Variants in TAFA2 observed in about 807,000 individuals in gnomAD.
TAFA2 encodes the protein chemokine-like protein TAFA-2.
In TAFA2, 7 loss-of-function variants were observed where a neutral mutation model predicts 18.8. That is an observed-to-expected ratio of 0.37 (90% CI 0.21 to 0.70). The LOEUF is 0.70. Among genes scored for constraint, TAFA2 ranks in the 30% least tolerant of loss-of-function variants. The pLI is 0.53. For missense variants in TAFA2, 122 were observed against 158.1 expected, an observed-to-expected ratio of 0.77 and a Z score of 1.23; for synonymous variants, 60 against 54.2, an observed-to-expected ratio of 1.11 and a Z score of -0.47.
At chr12:61,766,002 C>T (rs111327701) in intron 2 of TAFA2, among the ~76,000 whole-genome samples, 2,689 of 151,998 alleles carry the variant, frequency 0.018, 75 homozygotes, top group African/African-American at 0.06. Context: ...TCACCAAATC[C>T]CTGTAAGTCT....
chr12:61,973,608 G>A (rs1879331540), intron 1 of TAFA2, among the ~76,000 whole-genome samples: 2 of 151,550 alleles, frequency 1.3e-5, no homozygotes, highest in African/African-American at 4.8e-5. Flanking sequence ...CCTAGGGTGA[G>A]GCAAAGACCT....
At chr12:62,240,670 C>A (rs913514224) in intron 1 of TAFA2, among the ~76,000 whole-genome samples, 1 of 151,906 alleles carries the variant, frequency 6.6e-6, no homozygotes, top group Non-Finnish European at 1.5e-5. Context: ...AATGGTTGAC[C>A]AGAAAAATAG....
chr12:61,782,565 G>A (rs1870551795), intron 2 of TAFA2, among the ~76,000 whole-genome samples: 1 of 151,608 alleles, frequency 6.6e-6, no homozygotes, highest in Non-Finnish European at 1.5e-5. Flanking sequence ...GCTGCACCCT[G>A]TCCACTTTGG....
At chr12:62,101,976 T>C (rs1486987654) in intron 1 of TAFA2, among the ~76,000 whole-genome samples, 1 of 151,992 alleles carries the variant, frequency 6.6e-6, no homozygotes, top group East Asian at 1.9e-4. Flanking sequence ...GACAGGAGGT[T>C]GGAGAAAGAT....
chr12:61,960,555 CT>C (rs1439162878), intron 1 of TAFA2, among the ~76,000 whole-genome samples: 1 of 151,998 alleles, frequency 6.6e-6, no homozygotes, highest in Non-Finnish European at 1.5e-5. Flanking sequence ...AAGAAACAGA[CT>C]ATGAGAAACT....
chr12:61,896,191 C>A (rs1954522009), intron 1 of TAFA2, among the ~76,000 whole-genome samples: 1 of 152,078 alleles, frequency 6.6e-6, no homozygotes, highest in African/African-American at 2.4e-5. Context: ...TGTTTCATTT[C>A]TTTATTTTAT....
chr12:62,047,780 C>G (rs889212103), intron 1 of TAFA2, among the ~76,000 whole-genome samples: 15 of 152,126 alleles, frequency 9.9e-5, no homozygotes, highest in Middle Eastern at 3.2e-3. Flanking sequence ...CTACCTCAGT[C>G]TACCTGCCTT....
At chr12:62,001,550 C>T (rs888275375) in intron 1 of TAFA2, among the ~76,000 whole-genome samples, 2 of 152,048 alleles carry the variant, frequency 1.3e-5, no homozygotes, top group East Asian at 1.9e-4. Context: ...CCCTCACATG[C>T]GCAGATCACA....
chr12:61,721,521 C>G (rs1417397511), intron 4 of TAFA2, among the ~76,000 whole-genome samples: 1 of 152,114 alleles, frequency 6.6e-6, no homozygotes, highest in African/African-American at 2.4e-5. Context: ...CTAGTCACCC[C>G]TGGGCGGCAT....
At chr12:62,160,956 G>A (rs980028510) in intron 1 of TAFA2, among the ~76,000 whole-genome samples, 1 of 152,056 alleles carries the variant, frequency 6.6e-6, no homozygotes, top group Non-Finnish European at 1.5e-5. Context: ...ATGAATGAAT[G>A]AATGAATGAA....
intron 1 of TAFA2, among the ~76,000 whole-genome samples, chr12:62,037,951 C>T (rs141742086): frequency 6.6e-6 from 1 of 152,270 alleles, no homozygotes; most frequent in Non-Finnish European, 1.5e-5. Context: ...TAAGTAAAAA[C>T]ATCCATATCC....
At chr12:62,100,079 T>C (rs1388879860) in intron 1 of TAFA2, among the ~76,000 whole-genome samples, 1 of 151,776 alleles carries the variant, frequency 6.6e-6, no homozygotes, top group Non-Finnish European at 1.5e-5. Context: ...TTTTGATTAT[T>C]CCACTTCCTG....
At chr12:62,256,153 CAGCT>C (rs1013148483) in intron 1 of TAFA2, among the ~76,000 whole-genome samples, 23 of 151,980 alleles carry the variant, frequency 1.5e-4, no homozygotes, top group African/African-American at 4.8e-4. Context: ...CCTGTAATCC[CAGCT>C]ACTCAAGAAG....
chr12:61,737,588 TAA>T (rs539404908), intron 4 of TAFA2, among the ~76,000 whole-genome samples: 2 of 144,870 alleles, frequency 1.4e-5, no homozygotes, highest in Non-Finnish European at 3.0e-5. Context: ...GTTATTTCAC[TAA>T]AAAAAAAAAC....
intron 1 of TAFA2, among the ~76,000 whole-genome samples, chr12:61,946,055 T>A (rs1878256193): frequency 7.8e-6 from 1 of 128,978 alleles, no homozygotes; most frequent in Non-Finnish European, 1.6e-5. Context: ...GACTTCAAAC[T>A]ATACTACAAG....
chr12:61,814,354 A>G (rs1324083128), intron 2 of TAFA2, among the ~76,000 whole-genome samples: 2 of 151,392 alleles, frequency 1.3e-5, no homozygotes, highest in Non-Finnish European at 2.9e-5. Context: ...CAGGAGCCCC[A>G]TGATTCAGGG....
chr12:62,246,294 T>C lies in TAFA2; in HGVS notation c.-130+12469A>G, dbSNP rs541718262. On this transcript the variant is annotated intron_variant, in intron 1 of 5. Coordinates refer to the TAFA2 transcript ENST00000551619. ...AGCCACCGTGCCCGGCCCACTTTTA[T>C]TGTTATTCCTTTCTATATGCTATGT... Among the ~76,000 whole-genome samples the C allele has an allele frequency of 4.1e-4, 62 of 152,358 alleles. 1 individual carries two copies. In the South Asian group the frequency reaches 4.8e-3, roughly 12 times the overall value.
chr12:62,196,576 G>A (rs1464242863), upstream of TAFA2, among the ~76,000 whole-genome samples: 3 of 152,076 alleles, frequency 2.0e-5, no homozygotes, highest in African/African-American at 7.2e-5. Flanking sequence ...AGGGAGTTGG[G>A]GGAACAGCCA....
At chr12:62,051,593 T>C (rs1882055425) in intron 1 of TAFA2, among the ~76,000 whole-genome samples, 1 of 151,852 alleles carries the variant, frequency 6.6e-6, no homozygotes, top group Non-Finnish European at 1.5e-5. Context: ...AACACTTCAA[T>C]TCAATGTAAT....
Sources: gnomAD v4.1 joint callset for allele counts (sites outside exome capture counted in the v4.1 genomes callset) on GRCh38, gnomAD v4.1.1 for gene constraint, MANE v1.5 for transcripts, NCBI Gene and HGNC (gene_info 2026-07-23, HGNC 2026-07-21) for gene names.